PARN: variants seen among roughly 807,000 people sequenced by gnomAD.
PARN encodes poly(A)-specific ribonuclease, also known as poly(A)-specific ribonuclease PARN.
In PARN, 71 loss-of-function variants were observed where a neutral mutation model predicts 102.8. The observed-to-expected ratio is 0.69, with a 90% CI of 0.57 to 0.84. The LOEUF (loss-of-function observed/expected upper bound fraction) is 0.84. Among genes scored for constraint, PARN ranks in the 40% least tolerant of loss-of-function variants. The pLI is 0.00. For synonymous variants in PARN, 261 were observed against 252.9 expected (o/e 1.03, Z -0.30); for missense variants, 782 against 760.9 (o/e 1.03, Z -0.33).
intron 13 of PARN, among the ~76,000 whole-genome samples, chr16:14,590,550 G>T (rs780559923): frequency 6.7e-6 from 1 of 148,544 alleles, no homozygotes; most frequent in African/African-American, 2.5e-5. Context: ...AAGGAGAGTC[G>T]CTTGAACCCA....
At chr16:14,489,847 T>C (rs969234411) in intron 21 of PARN, among the ~76,000 whole-genome samples, 1 of 152,220 alleles carries the variant, frequency 6.6e-6, no homozygotes, top group Non-Finnish European at 1.5e-5. Flanking sequence ...TCTAAGGGAA[T>C]TGCCTATATT....
intron 21 of PARN, chr16:14,501,758 C>T (rs1964633135): frequency 6.6e-6 from 1 of 152,276 alleles, no homozygotes; most frequent in Non-Finnish European, 1.5e-5. Context: ...CCAGCACATG[C>T]TCTGCCCACA....
chr16:14,469,171 C>T (rs1962561610), intron 22 of PARN, among the ~76,000 whole-genome samples: 1 of 150,948 alleles, frequency 6.6e-6, no homozygotes, highest in South Asian at 2.1e-4. Flanking sequence ...GTGGCACATG[C>T]CTATAATCCT....
At chr16:14,599,399 A>G (rs1446320185) in intron 12 of PARN, among the ~76,000 whole-genome samples, 1 of 152,198 alleles carries the variant, frequency 6.6e-6, no homozygotes, top group Non-Finnish European at 1.5e-5. Flanking sequence ...TATCTATCAT[A>G]GAGTCCCCTA....
intron 21 of PARN, among the ~76,000 whole-genome samples, chr16:14,490,498 T>C (rs1029885164): frequency 6.6e-6 from 1 of 152,256 alleles, no homozygotes; most frequent in Non-Finnish European, 1.5e-5. Flanking sequence ...CCCTGTGTGA[T>C]AACCTGGTGT....
chr16:14,504,516 G>A (rs1454027634), intron 21 of PARN, among the ~76,000 whole-genome samples: 3 of 152,056 alleles, frequency 2.0e-5, no homozygotes, highest in African/African-American at 4.8e-5. Flanking sequence ...CAGAGATTGC[G>A]CCATTGCACT....
chr16:14,589,008 C>T (rs1469684080), intron 13 of PARN, among the ~76,000 whole-genome samples: 1 of 151,828 alleles, frequency 6.6e-6, no homozygotes, highest in East Asian at 1.9e-4. Context: ...GGTGAAACTC[C>T]GTCTCTACTG....
intron 13 of PARN, among the ~76,000 whole-genome samples, chr16:14,590,657 A>G (rs1970144580): frequency 2.0e-5 from 3 of 151,770 alleles, no homozygotes; most frequent in Admixed American, 1.3e-4. Flanking sequence ...AAAAAAAGAA[A>G]TGCAATTCCA....
chr16:14,591,474 C>T (rs1596779830), intron 13 of PARN, among the ~76,000 whole-genome samples: 1 of 151,878 alleles, frequency 6.6e-6, no homozygotes, highest in Admixed American at 6.6e-5. Flanking sequence ...TACAGCCAAC[C>T]AATTATTTTG....
At chr16:14,469,898 GA>G (rs1406839950) in intron 22 of PARN, among the ~76,000 whole-genome samples, 1 of 152,074 alleles carries the variant, frequency 6.6e-6, no homozygotes, top group Non-Finnish European at 1.5e-5. Context: ...AACAGACATG[GA>G]AAAAATAGTA....
intron 18 of PARN, among the ~76,000 whole-genome samples, chr16:14,563,895 T>C (rs189221153): frequency 3.3e-4 from 50 of 152,014 alleles, no homozygotes; most frequent in African/African-American, 1.2e-3. Flanking sequence ...GAAAAAAAAA[T>C]TAAGGACAAA....
chr16:14,612,875 G>A (rs138612499), intron 6 of PARN, among the ~76,000 whole-genome samples: 411 of 152,090 alleles, frequency 2.7e-3, no homozygotes, highest in African/African-American at 8.6e-3. Flanking sequence ...GAGATTACAG[G>A]CGTGAGCCAC....
intron 18 of PARN, among the ~76,000 whole-genome samples, chr16:14,570,665 GAAAAGAAAAAGAA>G (rs1185325017): frequency 2.8e-4 from 39 of 141,068 alleles, no homozygotes; most frequent in African/African-American, 5.5e-4. Context: ...AAAAAAAAGA[GAAAAGAAAAAGAA>G]AAAAGAAAAA....
intron 18 of PARN, among the ~76,000 whole-genome samples, chr16:14,577,508 A>AT (rs1417060344): frequency 6.6e-6 from 1 of 151,312 alleles, no homozygotes; most frequent in South Asian, 2.1e-4. Flanking sequence ...TAATTTTTGT[A>AT]TTTTTTGTAT....
intron 13 of PARN, among the ~76,000 whole-genome samples, chr16:14,591,519 T>C (rs1477527725): frequency 6.6e-6 from 1 of 152,198 alleles, no homozygotes; most frequent in Non-Finnish European, 1.5e-5. Flanking sequence ...GCTATGCCAA[T>C]TGGTTTACGT....
In PARN at chr16:14,524,403, T is replaced by A. The variant is rs77686512; in HGVS notation, c.1480+27618A>T. 5.4e-3 allele frequency among the ~76,000 whole-genome samples: 819 copies of A among 152,302 alleles called. 49 individuals are homozygous for A. In the East Asian group the frequency reaches 0.13, roughly 24 times the overall value. On this transcript the variant is annotated intron_variant, in intron 21 of 23. Coordinates refer to ENST00000437198, the MANE Select transcript of PARN (RefSeq NM_002582.4). ...AAACATGAATTATGAAAAAGATCTT[T>A]ACTCCTAGGGGCAGCTGTTCACTGC...
chr16:14,540,446 C>T (rs2113323), intron 21 of PARN, among the ~76,000 whole-genome samples: 120 of 152,020 alleles, frequency 7.9e-4, no homozygotes, highest in Middle Eastern at 3.4e-3. Flanking sequence ...GTCTGGACAG[C>T]GTATCAAATA....
At chr16:14,451,266 G>A (rs1961432218) in intron 22 of PARN, among the ~76,000 whole-genome samples, 1 of 152,146 alleles carries the variant, frequency 6.6e-6, no homozygotes, top group South Asian at 2.1e-4. Flanking sequence ...TCTCCTCCGG[G>A]AATGTTCCCA....
intron 14 of PARN, among the ~76,000 whole-genome samples, chr16:14,585,428 C>T (rs1000828979): frequency 1.3e-5 from 2 of 148,918 alleles, no homozygotes; most frequent in African/African-American, 5.0e-5. Context: ...GAAATAAGCC[C>T]AGCTGAAAGA....
Sources: allele counts gnomAD v4.1 joint callset (sites outside exome capture counted in the v4.1 genomes callset), GRCh38; gene constraint gnomAD v4.1.1; transcripts MANE v1.5; gene names NCBI Gene and HGNC (gene_info 2026-07-23, HGNC 2026-07-21).